FANCD2OS: variants seen among roughly 807,000 people sequenced by gnomAD.
FANCD2OS encodes FANCD2 opposite strand.
Under a neutral mutation model 13.2 loss-of-function variants are expected in FANCD2OS, and 11 were observed. That is an observed-to-expected ratio of 0.83 (90% CI 0.52 to 1.38). The LOEUF (loss-of-function observed/expected upper bound fraction) is 1.38, where lower values mean the gene tolerates loss of function less well. FANCD2OS is among the 40% of genes most tolerant of loss of function. The pLI is 0.00. For missense variants in FANCD2OS, 217 were observed against 213.9 expected (o/e 1.01, Z -0.09); for synonymous variants, 69 against 84.5 (o/e 0.82, Z 1.01).
intron 2 of FANCD2OS, chr3:10,087,160 T>G: frequency 6.2e-7 from 1 of 1,614,114 alleles, no homozygotes; most frequent in Middle Eastern, 1.6e-4. Context: ...TTGCAGAATT[T>G]CCATCAAAGC....
At chr3:10,099,152 A>C, downstream of FANCD2OS, 1 of 1,454,538 alleles carries the variant, frequency 6.9e-7, no homozygotes, top group Non-Finnish European at 9.0e-7. Flanking sequence ...TGTTGAGAAG[A>C]ATGAGTTAAA....
At chr3:10,088,357 C>T (rs1372423525) in intron 2 of FANCD2OS, 1 of 849,718 alleles carries the variant, frequency 1.2e-6, no homozygotes, top group South Asian at 1.3e-5. Flanking sequence ...AACTAATAAT[C>T]CTTTTGATCA....
chr3:10,088,947 C>T lies in FANCD2OS; in HGVS notation c.*44-7416G>A, dbSNP rs1559404981. On this transcript the variant is annotated intron_variant, in intron 2 of 2. Coordinates refer to the FANCD2OS transcript ENST00000524279. The stretch of plus-strand genomic sequence containing the variant: ...TCTTCCTCCACATTCCCTACACTGA[C>T]CAGGTAAGGGAGTTCTTTCCTCCAG... 1 of 1,614,010 alleles carries T rather than the reference C, an allele frequency of 6.2e-7. No homozygotes were observed. Among genetic ancestry groups the T allele is most frequent in the Middle Eastern group, 1.7e-4 (1 of 6,058 alleles).
At chr3:10,095,878 A>ATTTTTTT (rs397950663) in intron 2 of FANCD2OS, among the ~76,000 whole-genome samples, 4 of 125,776 alleles carry the variant, frequency 3.2e-5, no homozygotes, top group African/African-American at 6.2e-5. Flanking sequence ...CTGAACAGTG[A>ATTTTTTT]TTTTTTTTTT....
chr3:10,096,555 A>G (rs1384904866), intron 2 of FANCD2OS: 9 of 1,315,668 alleles, frequency 6.8e-6, no homozygotes, highest in Non-Finnish European at 9.9e-6. Flanking sequence ...AAGGTCACCT[A>G]AGCCCTCGTC....
intron 2 of FANCD2OS, chr3:10,092,116 T>C: frequency 1.9e-6 from 2 of 1,076,962 alleles, no homozygotes; most frequent in South Asian, 1.2e-5. Context: ...TATATCTTAG[T>C]GGGAATACAG....
At chr3:10,084,123 A>G (rs1694024840) in intron 2 of FANCD2OS, among the ~76,000 whole-genome samples, 1 of 151,306 alleles carries the variant, frequency 6.6e-6, no homozygotes, top group Non-Finnish European at 1.5e-5. Flanking sequence ...CCTCCTGAAT[A>G]GCTGAGATTA....
chr3:10,081,484 G>A (rs1413997288), exon 3 of FANCD2OS: 1 of 1,488,374 alleles, frequency 6.7e-7, no homozygotes, highest in Non-Finnish European at 9.4e-7. Flanking sequence ...TGGGAAGTGT[G>A]GAGAGAACTG....
chr3:10,098,608 T>TGG (rs1695119441), downstream of FANCD2OS: 1 of 1,372,498 alleles, frequency 7.3e-7, no homozygotes, highest in Non-Finnish European at 1.0e-6. Flanking sequence ...TTTGCTGTGT[T>TGG]TTGAATGGCT....
At chr3:10,083,196 C>T (rs936682119) in intron 2 of FANCD2OS, among the ~76,000 whole-genome samples, 6 of 151,234 alleles carry the variant, frequency 4.0e-5, no homozygotes, top group Non-Finnish European at 8.8e-5. Flanking sequence ...CACTGCACTC[C>T]AACCTGGGCA....
At chr3:10,102,705 T>C (rs1487265966), downstream of FANCD2OS, among the ~76,000 whole-genome samples, 1 of 151,292 alleles carries the variant, frequency 6.6e-6, no homozygotes, top group Non-Finnish European at 1.5e-5. Context: ...TAGCTGGGCT[T>C]GGTGGCGGGC....
chr3:10,098,766 A>C (rs753252480), downstream of FANCD2OS: 1 of 1,614,084 alleles, frequency 6.2e-7, no homozygotes. Flanking sequence ...ACAGCAGATG[A>C]GAGTGAGGAT....
At chr3:10,084,479 G>A (rs1229651381) in intron 2 of FANCD2OS, among the ~76,000 whole-genome samples, 3 of 150,410 alleles carry the variant, frequency 2.0e-5, no homozygotes, top group Non-Finnish European at 3.0e-5. Flanking sequence ...TTTTTCTTTG[G>A]TAGAGACGGG....
In FANCD2OS at chr3:10,106,719, GC is replaced by G. The variant is rs368469984; in HGVS notation, c.-9+1295del. Among the ~76,000 whole-genome samples the G allele has an allele frequency of 3.6e-4, 55 of 152,296 alleles. 1 individual carries two copies. The East Asian group carries it at 8.9e-3, about 25-fold the overall frequency. On this transcript the variant is annotated intron_variant, in intron 1 of 1. Transcript: ENST00000450660. ...ACTTGAGGTCAGGAGTTCAAGACCA[GC>G]CTGGCCAACAGGGTGAAACCCCGTC...
At chr3:10,088,690 A>C in intron 2 of FANCD2OS, 1 of 1,117,926 alleles carries the variant, frequency 8.9e-7, no homozygotes, top group South Asian at 1.3e-5. Context: ...GAACATGTGG[A>C]TCTTAAGATC....
rs143964628 is a variant in FANCD2OS at position 10,090,709 on chromosome 3, C to T, written c.*44-9178G>A. On this transcript the variant is annotated intron_variant, in intron 2 of 2. Coordinates refer to the FANCD2OS transcript ENST00000524279. ...TCCTGACTTCATGATCCACCCACCT[C>T]GGCCTCCCAAAGTGCTGAGATTACA... Among the ~76,000 whole-genome samples, 1,249 of 152,288 alleles carry T rather than the reference C, an allele frequency of 8.2e-3. 21 individuals carry two copies. Among genetic ancestry groups the T allele is most frequent in the African/African-American group, 0.028 (1,174 of 41,564 alleles).
intron 1 of FANCD2OS, among the ~76,000 whole-genome samples, chr3:10,107,102 C>G (rs1444742967): frequency 6.6e-6 from 1 of 152,130 alleles, no homozygotes; most frequent in Non-Finnish European, 1.5e-5. Context: ...GTTATCTATT[C>G]CAAACACCCT....
chr3:10,100,292 T>C (rs1695224520), downstream of FANCD2OS, among the ~76,000 whole-genome samples: 1 of 152,270 alleles, frequency 6.6e-6, no homozygotes, highest in Non-Finnish European at 1.5e-5. Flanking sequence ...TTTGGTACTT[T>C]CCCCTAAGCA....
chr3:10,085,813 A>G lies in FANCD2OS; in HGVS notation c.*44-4282T>C, dbSNP rs1371349116. The G allele has an allele frequency of 3.1e-6, 5 of 1,606,132 alleles. No individual in the cohort carries two copies. In the African/African-American group the frequency reaches 5.4e-5, roughly 17 times the overall value. ...CCCCTCTTACCTTGACTTCCTTAGG[A>G]GTGGATTTTCTCAACCTGAAAATCA... On this transcript the variant is annotated intron_variant, in intron 2 of 2. Coordinates refer to the FANCD2OS transcript ENST00000524279.
Sources: gnomAD v4.1 joint callset for allele counts (sites outside exome capture counted in the v4.1 genomes callset) on GRCh38, gnomAD v4.1.1 for gene constraint, MANE v1.5 for transcripts, NCBI Gene and HGNC (gene_info 2026-07-23, HGNC 2026-07-21) for gene names.